The following ZBTB7C variants were observed in gnomAD, a reference collection of about 807,000 sequenced individuals.
ZBTB7C encodes the protein zinc finger and BTB domain containing 7C, also known as zinc finger and BTB domain-containing protein 7C.
A neutral mutation model predicts 25.7 loss-of-function variants in ZBTB7C; 8 were observed. The ratio of observed to expected loss-of-function variants is 0.31; its 90% CI spans 0.18 to 0.56. ZBTB7C has a LOEUF of 0.56. Among genes scored for constraint, ZBTB7C ranks in the 20% least tolerant of loss-of-function variants. ZBTB7C has a pLI of 0.91. For synonymous variants in ZBTB7C, 394 were observed against 369.0 expected (o/e 1.07, Z -0.78); for missense variants, 824 against 855.2 (o/e 0.96, Z 0.46).
At chr18:48,074,305 C>T (rs909485673) in intron 3 of ZBTB7C, among the ~76,000 whole-genome samples, 4 of 152,230 alleles carry the variant, frequency 2.6e-5, no homozygotes, top group African/African-American at 7.2e-5. Context: ...TGAGCCACCA[C>T]GCCCGGCCCA....
intron 2 of ZBTB7C, among the ~76,000 whole-genome samples, chr18:48,315,548 C>A (rs949200): frequency 1.3e-5 from 2 of 151,904 alleles, no homozygotes; most frequent in East Asian, 3.9e-4. Context: ...GCCTGGGGAC[C>A]CCCAAGAAAC....
chr18:48,058,952 C>T (rs999582821), intron 3 of ZBTB7C, among the ~76,000 whole-genome samples: 1 of 152,086 alleles, frequency 6.6e-6, no homozygotes, highest in Non-Finnish European at 1.5e-5. Flanking sequence ...GTCCTCCTGT[C>T]CCCACCTCCA....
intron 3 of ZBTB7C, among the ~76,000 whole-genome samples, chr18:48,085,476 C>T (rs1384671596): frequency 6.6e-6 from 1 of 152,154 alleles, no homozygotes; most frequent in African/African-American, 2.4e-5. Context: ...CAGCCCTAGA[C>T]CAGGGTTTGG....
intron 1 of ZBTB7C, among the ~76,000 whole-genome samples, chr18:48,355,333 T>C (rs567331249): frequency 6.6e-6 from 1 of 152,340 alleles, no homozygotes; most frequent in African/African-American, 2.4e-5. Flanking sequence ...CATGAGCTAC[T>C]ACTGGAAATC....
intron 2 of ZBTB7C, among the ~76,000 whole-genome samples, chr18:48,191,001 G>A (rs958507715): frequency 5.3e-5 from 8 of 152,140 alleles, no homozygotes; most frequent in Admixed American, 4.6e-4. Context: ...TGGGGGAGTC[G>A]TACAAATCTC....
intron 2 of ZBTB7C, among the ~76,000 whole-genome samples, chr18:48,311,253 G>T (rs749773637): frequency 6.6e-6 from 1 of 152,156 alleles, no homozygotes; most frequent in Non-Finnish European, 1.5e-5. Flanking sequence ...CTGCTTGAGG[G>T]CACATGACTT....
At chr18:48,078,418 C>A (rs1041965090) in intron 3 of ZBTB7C, among the ~76,000 whole-genome samples, 1 of 152,170 alleles carries the variant, frequency 6.6e-6, no homozygotes, top group Non-Finnish European at 1.5e-5. Context: ...GGGGGGCATA[C>A]CTTCAGGATG....
chr18:48,281,028 AT>A, intron 2 of ZBTB7C, among the ~76,000 whole-genome samples: 1 of 151,872 alleles, frequency 6.6e-6, no homozygotes, highest in Non-Finnish European at 1.5e-5. Flanking sequence ...TAATTTTTGT[AT>A]TTTTAATAGA....
chr18:48,210,864 G>A (rs568411534), intron 2 of ZBTB7C, among the ~76,000 whole-genome samples: 3 of 151,972 alleles, frequency 2.0e-5, no homozygotes, highest in South Asian at 2.1e-4. Flanking sequence ...AAGTTTTTAC[G>A]GAGAGACAAA....
chr18:48,116,824 T>A (rs765556311), intron 3 of ZBTB7C, among the ~76,000 whole-genome samples: 4 of 152,078 alleles, frequency 2.6e-5, no homozygotes, highest in Non-Finnish European at 5.9e-5. Context: ...TGAGACCAAA[T>A]GGAGAAAGCA....
At chr18:48,396,761 C>T (rs932890215) in intron 1 of ZBTB7C, among the ~76,000 whole-genome samples, 2 of 152,154 alleles carry the variant, frequency 1.3e-5, no homozygotes, top group African/African-American at 2.4e-5. Context: ...ATTACTTGGC[C>T]CACATCACAC....
intron 3 of ZBTB7C, among the ~76,000 whole-genome samples, chr18:48,145,026 C>T (rs1399616717): frequency 2.0e-5 from 3 of 152,202 alleles, no homozygotes; most frequent in East Asian, 3.9e-4. Context: ...TTGGGGAGGC[C>T]TCTGCTCTAG....
intron 3 of ZBTB7C, among the ~76,000 whole-genome samples, chr18:48,097,512 C>T (rs1483637996): frequency 2.0e-5 from 3 of 152,056 alleles, no homozygotes; most frequent in East Asian, 3.9e-4. Context: ...TTCTCCTGCT[C>T]CAGCCTCCTG....
chr18:48,238,303 C>A (rs2043432724), intron 2 of ZBTB7C, among the ~76,000 whole-genome samples: 1 of 152,232 alleles, frequency 6.6e-6, no homozygotes, highest in African/African-American at 2.4e-5. Flanking sequence ...GCAGCTCCCA[C>A]TCGGATGGAC....
Position 48,140,691 on chromosome 18 carries a change from G to A in ZBTB7C, c.-17+45243C>T, listed in dbSNP as rs1283002868. Among the ~76,000 whole-genome samples the A allele has an allele frequency of 2.0e-5, 3 of 152,286 alleles. No individual in the cohort carries two copies. The East Asian group carries it at 5.8e-4, about 29-fold the overall frequency. ...GAGAGGGAGGTTGGCCTTTGCTAGA[G>A]TGCTGAAGCAAGTCATCCTAGAGGA... On this transcript the variant is annotated intron_variant, in intron 3 of 4. Transcript: ENST00000590800.
chr18:48,082,227 C>A (rs2038018640), intron 3 of ZBTB7C, among the ~76,000 whole-genome samples: 1 of 152,210 alleles, frequency 6.6e-6, no homozygotes, highest in South Asian at 2.1e-4. Flanking sequence ...AAGATTCCAA[C>A]ACGCTGAGCC....
intron 3 of ZBTB7C, among the ~76,000 whole-genome samples, chr18:48,066,309 G>C (rs560033969): frequency 2.0e-5 from 3 of 152,344 alleles, no homozygotes; most frequent in South Asian, 4.1e-4. Flanking sequence ...GCATATTTCA[G>C]AGGATCTGTA....
At chr18:48,077,231 T>C (rs1245089882) in intron 3 of ZBTB7C, among the ~76,000 whole-genome samples, 2 of 152,114 alleles carry the variant, frequency 1.3e-5, no homozygotes, top group African/African-American at 4.8e-5. Context: ...TCTGGAGACC[T>C]AATAAAAGTC....
intron 3 of ZBTB7C, among the ~76,000 whole-genome samples, chr18:48,181,572 T>C (rs1044626910): frequency 6.6e-6 from 1 of 152,210 alleles, no homozygotes; most frequent in Non-Finnish European, 1.5e-5. Context: ...GAATCAGGAC[T>C]GGAACCCAGA....
Sources: allele counts gnomAD v4.1 joint callset (sites outside exome capture counted in the v4.1 genomes callset), GRCh38; gene constraint gnomAD v4.1.1; transcripts MANE v1.5; gene names NCBI Gene and HGNC (gene_info 2026-07-23, HGNC 2026-07-21).